The following COL26A1 variants were observed in gnomAD, a reference collection of about 807,000 sequenced individuals.
The protein encoded by COL26A1 is collagen alpha-1(XXVI) chain.
A neutral mutation model predicts 59.3 loss-of-function variants in COL26A1; 41 were observed. That is an observed-to-expected ratio of 0.69 (90% CI 0.54 to 0.90). COL26A1 has a LOEUF of 0.90. Ranked by LOEUF, COL26A1 falls within the 40% of genes least tolerant of loss-of-function variation. The pLI, the probability that COL26A1 is intolerant of heterozygous loss-of-function variation, is 0.00. For missense variants in COL26A1, 612 were observed against 602.3 expected, an observed-to-expected ratio of 1.02 and a Z score of -0.17; for synonymous variants, 266 against 256.0, an observed-to-expected ratio of 1.04 and a Z score of -0.37.
At chr7:101,410,699 G>A (rs1792223689) in intron 1 of COL26A1, among the ~76,000 whole-genome samples, 1 of 151,948 alleles carries the variant, frequency 6.6e-6, no homozygotes, top group Non-Finnish European at 1.5e-5. Flanking sequence ...GTGTGTGTGT[G>A]TGTGTGTGTG....
Position 101,508,506 on chromosome 7 carries a change from T to G in COL26A1, c.386-24576T>G, listed in dbSNP as rs1195504485. Among the ~76,000 whole-genome samples the G allele has an allele frequency of 8.6e-5, 9 of 104,776 alleles. No homozygotes were observed. The South Asian group carries it at 2.2e-3, about 26-fold the overall frequency. The allele number at this position is 104,776 out of a possible 152,430, so 68.7% of individuals were successfully genotyped here. A position where few individuals can be genotyped will look rare whatever the true frequency, so the allele number is the denominator to read the frequency against. ...TGTACTCCAGACTGAACAACAGAGATAAAACCCTGTCAAAAAAAAAAAAAA... is the reference window on the plus strand; with the variant it reads ...TGTACTCCAGACTGAACAACAGAGAGAAAACCCTGTCAAAAAAAAAAAAAA... On this transcript the variant is annotated intron_variant, in intron 3 of 12. Transcript: ENST00000313669.
intron 1 of COL26A1, among the ~76,000 whole-genome samples, chr7:101,379,585 G>T (rs1025674228): frequency 9.5e-4 from 145 of 152,194 alleles, no homozygotes; most frequent in African/African-American, 3.3e-3. Context: ...GCTACATCAT[G>T]AATACAGGTT....
chr7:101,553,743 C>T (rs575748169), intron 11 of COL26A1, among the ~76,000 whole-genome samples: 6 of 152,270 alleles, frequency 3.9e-5, no homozygotes, highest in Admixed American at 1.3e-4. Flanking sequence ...CCGTGAATGG[C>T]GTCTCGGCAT....
At chr7:101,477,613 C>G (rs1371786211) in intron 3 of COL26A1, among the ~76,000 whole-genome samples, 2 of 152,200 alleles carry the variant, frequency 1.3e-5, no homozygotes, top group Non-Finnish European at 2.9e-5. Context: ...GTATAGTTCT[C>G]AGACCCTCAA....
chr7:101,363,207 C>G lies in COL26A1; in HGVS notation c.158+17C>G, dbSNP rs4989265. The G allele has an allele frequency of 0.51, 681,174 of 1,327,584 alleles. 177,047 individuals are homozygous for G. Among genetic ancestry groups the G allele is most frequent in the African/African-American group, 0.8 (47,452 of 59,560 alleles). The allele number at this position is 1,327,584 out of a possible 1,614,324, so 82.2% of individuals were successfully genotyped here. A position where few individuals can be genotyped will look rare whatever the true frequency, so the allele number is the denominator to read the frequency against. Reference sequence around the variant, plus strand: ...GAGCCGCCGGTGAGTAGCTCGGGGCCGAGGGGCCGGGGGGTGGGGGGAGGG... The same window carrying G: ...GAGCCGCCGGTGAGTAGCTCGGGGCGGAGGGGCCGGGGGGTGGGGGGAGGG... On this transcript the variant is annotated intron_variant, in intron 1 of 12. Coordinates refer to ENST00000313669, the MANE Select transcript of COL26A1 (RefSeq NM_001278563.3).
intron 2 of COL26A1, among the ~76,000 whole-genome samples, chr7:101,429,324 G>T (rs569391107): frequency 2.0e-5 from 3 of 152,082 alleles, no homozygotes; most frequent in Non-Finnish European, 4.4e-5. Flanking sequence ...TTTAGGTTGA[G>T]TTTTATTTTT....
chr7:101,429,016 C>T (rs1299017371), intron 2 of COL26A1, among the ~76,000 whole-genome samples: 1 of 151,450 alleles, frequency 6.6e-6, no homozygotes, highest in Non-Finnish European at 1.5e-5. Context: ...TCTCTGCCTC[C>T]AGGTTCAAGC....
rs143971924 is a variant in COL26A1, at chr7:101,399,387, G to A, written c.159-20590G>A. 2.6e-5 allele frequency among the ~76,000 whole-genome samples: 4 copies of A among 152,056 alleles called. No individual in the cohort carries two copies. In the South Asian group the frequency reaches 8.3e-4, roughly 32 times the overall value. ...TCTTCTTTCTTTCTTTCTGAAGCAC[G>A]ATCTCAGCTCACTGGAACCTCCATC... On this transcript the variant is annotated intron_variant, in intron 1 of 12. Coordinates refer to ENST00000313669, the MANE Select transcript of COL26A1 (RefSeq NM_001278563.3).
chr7:101,459,466 A>ATTTTTTTTTTTTTTTT (rs71286269), intron 3 of COL26A1, among the ~76,000 whole-genome samples: 3 of 136,092 alleles, frequency 2.2e-5, no homozygotes, highest in African/African-American at 8.4e-5. Flanking sequence ...CACCCGGCTA[A>ATTTTTTTTTTTTTTTT]TTTTTTTTTT....
intron 12 of COL26A1, 85 bp from the exon 13 acceptor site, chr7:101,557,285 C>G: frequency 7.1e-7 from 1 of 1,403,202 alleles, no homozygotes; most frequent in East Asian, 2.4e-5. Flanking sequence ...AAGAGCATCT[C>G]TCCGTGGCCA....
intron 1 of COL26A1, among the ~76,000 whole-genome samples, chr7:101,410,648 G>A (rs1257947360): frequency 6.6e-6 from 1 of 152,074 alleles, no homozygotes; most frequent in Non-Finnish European, 1.5e-5. Context: ...CTGAGTAGCT[G>A]GGACTACAGG....
intron 3 of COL26A1, among the ~76,000 whole-genome samples, chr7:101,480,153 A>G (rs1339686083): frequency 6.6e-6 from 1 of 152,068 alleles, no homozygotes; most frequent in Non-Finnish European, 1.5e-5. Context: ...GTTCTTTCAG[A>G]TAATATCCTC....
chr7:101,395,743 G>A (rs1279499323), intron 1 of COL26A1, among the ~76,000 whole-genome samples: 2 of 152,174 alleles, frequency 1.3e-5, no homozygotes, highest in Non-Finnish European at 2.9e-5. Context: ...AAAATAGGGG[G>A]AAGGTGGCTC....
Position 101,549,289 on chromosome 7 carries a change from AG to A in COL26A1, c.993+70del, listed in dbSNP as rs1360911630. ...GGGTGGCGGGTGGCCTTGTCTCCCT[AG>A]GGGAGAAGAAGCACCTTTTTACCAG... is the stretch of plus-strand genomic sequence containing the variant. On this transcript the variant is annotated intron_variant, in intron 9 of 12. Transcript: ENST00000313669. 3.6e-6 allele frequency: 4 copies of A among 1,102,618 alleles called. No homozygotes were observed. The African/African-American group carries it at 4.8e-5, about 13-fold the overall frequency. 68.3% of individuals were successfully genotyped at this position (1,102,618 alleles called of 1,614,324 possible).
chr7:101,440,337 G>C (rs1793025310), intron 2 of COL26A1, among the ~76,000 whole-genome samples: 1 of 152,154 alleles, frequency 6.6e-6, no homozygotes, highest in Non-Finnish European at 1.5e-5. Flanking sequence ...CTACACTCCA[G>C]CCGGGGCAAC....
At chr7:101,384,777 C>G (rs898768235) in intron 1 of COL26A1, among the ~76,000 whole-genome samples, 1 of 151,982 alleles carries the variant, frequency 6.6e-6, no homozygotes, top group Non-Finnish European at 1.5e-5. Flanking sequence ...GGGTGAAGTC[C>G]CATAATAAGC....
intron 3 of COL26A1, among the ~76,000 whole-genome samples, chr7:101,479,508 G>A (rs28642713): frequency 0.2 from 29,761 of 152,010 alleles, 4,464 homozygotes; most frequent in African/African-American, 0.42. Context: ...GTCTTTGGAG[G>A]TAATTCATTC....
intron 1 of COL26A1, among the ~76,000 whole-genome samples, chr7:101,419,679 G>T (rs1474683700): frequency 6.6e-6 from 1 of 152,238 alleles, no homozygotes; most frequent in African/African-American, 2.4e-5. Context: ...CCTATGGACT[G>T]TGTCATCTCC....
intron 9 of COL26A1, among the ~76,000 whole-genome samples, 177 bp downstream of exon 9, chr7:101,549,400 G>T (rs1181008760): frequency 6.6e-6 from 1 of 152,076 alleles, no homozygotes; most frequent in Non-Finnish European, 1.5e-5. Flanking sequence ...ATTTATTTTT[G>T]AGATGGAGTC....
Sources: gnomAD v4.1 joint callset for allele counts (sites outside exome capture counted in the v4.1 genomes callset) on GRCh38, gnomAD v4.1.1 for gene constraint, MANE v1.5 for transcripts, NCBI Gene and HGNC (gene_info 2026-07-23, HGNC 2026-07-21) for gene names.